The following DLGAP2 variants were observed in gnomAD, a reference collection of about 807,000 sequenced individuals.
DLGAP2 encodes DLG associated protein 2.
DLGAP2 carries 26 observed loss-of-function variants against 100.3 expected under a neutral mutation model. The observed-to-expected ratio is 0.26, with a 90% CI of 0.19 to 0.36. The LOEUF (loss-of-function observed/expected upper bound fraction) is 0.36. DLGAP2 is among the 10% of genes least tolerant of loss of function. The pLI is 1.00. For synonymous variants in DLGAP2, 886 were observed against 630.1 expected (o/e 1.41, Z -6.08); for missense variants, 1,858 against 1,453.2 (o/e 1.28, Z -4.53).
intron 1 of DLGAP2, among the ~76,000 whole-genome samples, chr8:802,378 A>G (rs1292290218): frequency 6.6e-6 from 1 of 152,224 alleles, no homozygotes; most frequent in African/African-American, 2.4e-5. Context: ...TCCCTCATCC[A>G]GCCCAGTCTT....
At chr8:1,301,727 C>G (rs1800346699) in intron 3 of DLGAP2, 1 of 152,136 alleles carries the variant, frequency 6.6e-6, no homozygotes, top group African/African-American at 2.4e-5. Context: ...GTCAGGAGGC[C>G]TCTGATGTTT....
At chr8:815,309 A>G (rs986110689) in intron 1 of DLGAP2, among the ~76,000 whole-genome samples, 2 of 152,190 alleles carry the variant, frequency 1.3e-5, no homozygotes, top group African/African-American at 4.8e-5. Context: ...CACTTGGCGG[A>G]GGAGCAGAAC....
At chr8:822,775 A>G (rs1796607714) in intron 1 of DLGAP2, among the ~76,000 whole-genome samples, 1 of 152,186 alleles carries the variant, frequency 6.6e-6, no homozygotes, top group Admixed American at 6.5e-5. Flanking sequence ...GATGGGACAC[A>G]GCCTTCGGAC....
At chr8:821,467 A>C (rs1796582163) in intron 1 of DLGAP2, among the ~76,000 whole-genome samples, 1 of 152,228 alleles carries the variant, frequency 6.6e-6, no homozygotes, top group African/African-American at 2.4e-5. Context: ...GGGGAATAAT[A>C]ATTTCATGCA....
At chr8:806,103 C>G (rs1054638432) in intron 1 of DLGAP2, among the ~76,000 whole-genome samples, 13 of 152,210 alleles carry the variant, frequency 8.5e-5, no homozygotes, top group African/African-American at 3.1e-4. Context: ...CAGTTATCAG[C>G]TTAAGACTCA....
At chr8:1,380,474 A>G (rs1223628227) in intron 3 of DLGAP2, among the ~76,000 whole-genome samples, 2 of 152,188 alleles carry the variant, frequency 1.3e-5, no homozygotes, top group Non-Finnish European at 2.9e-5. Context: ...TCACCCCTCC[A>G]GTTGCCAGAG....
chr8:1,701,364 C>G lies in DLGAP2; in HGVS notation c.3126C>G (p.Asp1042Glu), dbSNP rs1799563824. ...AGAATTCCGCCTCCGAGCGCGCGGA[C>G]AGCATCGAGATCTACATCCCCGAGG... Reference protein sequence around the residue: ...FRQNSASERADSIEIYIPEAQ... With the variant: ...FRQNSASERAESIEIYIPEAQ... Residue 1042 changes from aspartate (D) to glutamate (E), a missense_variant, in exon 15 of 15, where the codon GAC becomes GAG. Physicochemically the swap from Asp to Glu is conservative, Grantham distance 45 (BLOSUM62 2). Transcript: ENST00000637795. The G allele has an allele frequency of 2.5e-6, 4 of 1,593,632 alleles. No homozygotes were observed. Among genetic ancestry groups the G allele is most frequent in the African/African-American group, 2.7e-5 (2 of 73,562 alleles).
rs147935757 is a variant in DLGAP2 at position 1,260,378 on chromosome 8, C to T, written c.106+1495C>T. On this transcript the variant is annotated intron_variant, in intron 3 of 14. Transcript: ENST00000637795. ...AACCTTGTAAATAGTGGTTTAAACA[C>T]ATTGCATCTTGCTCTTCGTCTACTT... 3.1e-4 allele frequency among the ~76,000 whole-genome samples: 47 copies of T among 152,146 alleles called. No individual in the cohort carries two copies. In the East Asian group the frequency reaches 8.5e-3, roughly 28 times the overall value.
chr8:1,352,328 G>C (rs1307428310), intron 3 of DLGAP2, among the ~76,000 whole-genome samples: 1 of 151,846 alleles, frequency 6.6e-6, no homozygotes, highest in East Asian at 1.9e-4. Context: ...TCCTGAGTGT[G>C]TGTGGAAAGG....
chr8:1,164,344 G>C (rs61135275), intron 2 of DLGAP2, among the ~76,000 whole-genome samples: 75,800 of 116,322 alleles, frequency 0.65, 24,498 homozygotes, highest in African/African-American at 0.73. Context: ...CTGTGAGCCC[G>C]CAGGGCCCGT....
At chr8:1,608,178 C>A (rs1455015981) in intron 6 of DLGAP2, among the ~76,000 whole-genome samples, 15 of 121,016 alleles carry the variant, frequency 1.2e-4, no homozygotes, top group African/African-American at 3.8e-4. Context: ...TCTCCCAGCA[C>A]GCAGCTGGAG....
At chr8:1,696,050 C>G (rs902712296) in intron 13 of DLGAP2, among the ~76,000 whole-genome samples, 10 of 152,228 alleles carry the variant, frequency 6.6e-5, no homozygotes, top group African/African-American at 2.2e-4. Flanking sequence ...AATCGCAGAG[C>G]TGTCCGTTCA....
rs138268166 is a variant in DLGAP2 at position 755,523 on chromosome 8, A to T, written c.18+17698A>T. On this transcript the variant is annotated intron_variant, in intron 1 of 14. Transcript: ENST00000637795. Reference sequence around the variant, plus strand: ...ACATGTTTTTAATAATCTTAATTATAACTGAGCTCTGACTGTGGGAGCAGC... The same window carrying T: ...ACATGTTTTTAATAATCTTAATTATTACTGAGCTCTGACTGTGGGAGCAGC... 1.2e-3 allele frequency among the ~76,000 whole-genome samples: 181 copies of T among 152,344 alleles called. 1 individual carries two copies. The highest frequency in any genetic ancestry group is 4.2e-3 in the African/African-American group (176 of 41,580).
chr8:1,388,713 G>A (rs1202115703), intron 3 of DLGAP2, among the ~76,000 whole-genome samples: 3 of 95,738 alleles, frequency 3.1e-5, no homozygotes, highest in Non-Finnish European at 4.5e-5. Context: ...GGCAGAGGCC[G>A]TGGATGAGGA....
intron 1 of DLGAP2, among the ~76,000 whole-genome samples, chr8:790,086 C>G (rs1821988207): frequency 6.6e-6 from 1 of 152,186 alleles, no homozygotes; most frequent in Non-Finnish European, 1.5e-5. Flanking sequence ...TCCCCAGAGC[C>G]AGAGCCAGTG....
intron 2 of DLGAP2, among the ~76,000 whole-genome samples, chr8:1,195,889 T>A (rs1797739928): frequency 6.6e-6 from 1 of 152,186 alleles, no homozygotes. Context: ...TAACCGAAGT[T>A]TTTAGCATTT....
chr8:1,193,906 G>C (rs550041542), intron 2 of DLGAP2, among the ~76,000 whole-genome samples: 1 of 152,294 alleles, frequency 6.6e-6, no homozygotes, highest in African/African-American at 2.4e-5. Context: ...CCCCAGCCAG[G>C]AGGAGCCGCT....
At chr8:1,164,393 G>C (rs930942545) in intron 2 of DLGAP2, among the ~76,000 whole-genome samples, 5 of 152,200 alleles carry the variant, frequency 3.3e-5, no homozygotes, top group African/African-American at 1.2e-4. Context: ...AGCCTCCCAG[G>C]GCCCGTCGTT....
intron 1 of DLGAP2, among the ~76,000 whole-genome samples, chr8:829,531 A>G (rs1416466352): frequency 6.6e-6 from 1 of 152,260 alleles, no homozygotes; most frequent in Non-Finnish European, 1.5e-5. Flanking sequence ...AAGTAAGTAT[A>G]CACATCATAA....
Sources: allele counts gnomAD v4.1 joint callset (sites outside exome capture counted in the v4.1 genomes callset), GRCh38; gene constraint gnomAD v4.1.1; transcripts MANE v1.5; gene names NCBI Gene and HGNC (gene_info 2026-07-23, HGNC 2026-07-21).